Variants in NUTF2 observed in about 807,000 individuals in gnomAD.
NUTF2 encodes the protein placental protein 15.
A neutral mutation model predicts 18.5 loss-of-function variants in NUTF2; 3 were observed. That is an observed-to-expected ratio of 0.16 (90% CI 0.07 to 0.42). The LOEUF (loss-of-function observed/expected upper bound fraction) is 0.42. NUTF2 is among the 10% of genes least tolerant of loss of function. NUTF2 has a pLI of 0.99. For synonymous variants in NUTF2, 51 were observed against 57.9 expected, an observed-to-expected ratio of 0.88 and a Z score of 0.54; for missense variants, 44 against 160.7, an observed-to-expected ratio of 0.27 and a Z score of 3.93.
intron 2 of NUTF2, among the ~76,000 whole-genome samples, chr16:67,865,572 T>G (rs1273641914): frequency 1.3e-5 from 2 of 152,148 alleles, no homozygotes; most frequent in Non-Finnish European, 2.9e-5. Context: ...GCATCCTCAG[T>G]GCAAAGCTGA....
chr16:67,857,819 A>G (rs2057907931), intron 1 of NUTF2, among the ~76,000 whole-genome samples: 1 of 152,266 alleles, frequency 6.6e-6, no homozygotes, highest in Non-Finnish European at 1.5e-5. Context: ...TGCCATAGAC[A>G]GATAGCTGGG....
chr16:67,852,414 T>C (rs1407426943), intron 1 of NUTF2, among the ~76,000 whole-genome samples: 1 of 151,334 alleles, frequency 6.6e-6, no homozygotes, highest in East Asian at 1.9e-4. Flanking sequence ...TCAAGTGCAG[T>C]GTCGCAGTCT....
intron 1 of NUTF2, among the ~76,000 whole-genome samples, chr16:67,852,518 C>T (rs1250299187): frequency 6.6e-6 from 1 of 151,566 alleles, no homozygotes; most frequent in Non-Finnish European, 1.5e-5. Flanking sequence ...CGGTATAATC[C>T]GGCTAATTTT....
At chr16:67,868,641 G>C (rs759814139) in intron 4 of NUTF2, 42 bp downstream of exon 4, 2 of 1,573,338 alleles carry the variant, frequency 1.3e-6, no homozygotes, top group Non-Finnish European at 1.7e-6. Context: ...TGGGCAGGCA[G>C]AGGAGAGTCT....
chr16:67,866,679 C>T (rs906745422), intron 2 of NUTF2, among the ~76,000 whole-genome samples: 6 of 152,148 alleles, frequency 3.9e-5, no homozygotes, highest in African/African-American at 1.4e-4. Context: ...GTTGGCCAGG[C>T]TGTTCTTGAA....
intron 1 of NUTF2, 123 bp from the exon 2 acceptor site, chr16:67,864,979 G>A: frequency 1.7e-6 from 1 of 596,396 alleles, no homozygotes; most frequent in Admixed American, 2.9e-5. Flanking sequence ...GCCTGTCCGT[G>A]TTCTCTGAGA....
chr16:67,864,234 G>T (rs991524378), intron 1 of NUTF2, among the ~76,000 whole-genome samples: 5 of 152,188 alleles, frequency 3.3e-5, no homozygotes, highest in African/African-American at 1.2e-4. Flanking sequence ...CCCTTGGCTG[G>T]GTACAGTGGC....
At chr16:67,855,708 T>C (rs2057891054) in intron 1 of NUTF2, among the ~76,000 whole-genome samples, 2 of 152,170 alleles carry the variant, frequency 1.3e-5, no homozygotes, top group Admixed American at 1.3e-4. Context: ...CTGGTTCCAC[T>C]TGCAGGTGGT....
At chr16:67,856,224 G>A (rs1016985137) in intron 1 of NUTF2, 6 of 236,802 alleles carry the variant, frequency 2.5e-5, no homozygotes, top group Admixed American at 5.1e-5. Context: ...AGACAGTCTC[G>A]CTCTGTCGCC....
intron 1 of NUTF2, among the ~76,000 whole-genome samples, chr16:67,854,678 G>C (rs2057882809): frequency 6.6e-6 from 1 of 152,184 alleles, no homozygotes; most frequent in Non-Finnish European, 1.5e-5. Context: ...CGGGCACAGA[G>C]GCTCACACCT....
In NUTF2 at chr16:67,871,118, C is replaced by G. The variant is rs1054541818; in HGVS notation, c.*205C>G. 8.8e-6 allele frequency: 4 copies of G among 454,994 alleles called. No individual in the cohort carries two copies. Among genetic ancestry groups the G allele is most frequent in the Non-Finnish European group, 1.6e-5 (4 of 253,544 alleles). The allele number at this position is 454,994 out of a possible 1,614,324, so 28.2% of individuals were successfully genotyped here. On this transcript the variant is annotated 3_prime_UTR_variant, in exon 5 of 5. Transcript: ENST00000219169. Reference sequence around the variant, plus strand: ...TCTGACGGGAGAAGTTTGTGTTGTACCAGCGCATGCCTTGGAAAGACTTAA... The same window carrying G: ...TCTGACGGGAGAAGTTTGTGTTGTAGCAGCGCATGCCTTGGAAAGACTTAA...
chr16:67,860,718 C>G (rs186295111), intron 1 of NUTF2, among the ~76,000 whole-genome samples: 5 of 152,348 alleles, frequency 3.3e-5, no homozygotes, highest in Admixed American at 1.3e-4. Flanking sequence ...GGGGCCCTCA[C>G]TGTAGGCCAT....
chr16:67,865,243 T>C lies in NUTF2; in HGVS notation c.99+14T>C. On this transcript the variant is annotated intron_variant, in intron 2 of 4. Transcript: ENST00000219169. ...GGCGCAATTTACGTAAGTTTCCAGC[T>C]CTAGGGCCAGAATGGACCCTAGGGG... 6.3e-7 allele frequency: 1 copy of C among 1,581,200 alleles called. No homozygotes were observed. Among genetic ancestry groups the C allele is most frequent in the Non-Finnish European group, 8.7e-7 (1 of 1,150,392 alleles).
rs1218353460 is a variant in NUTF2 at position 67,871,079 on chromosome 16, C to T, written c.*166C>T. 1.8e-6 allele frequency: 1 copy of T among 565,494 alleles called. No individual in the cohort carries two copies. The highest frequency in any genetic ancestry group is 3.0e-5 in the East Asian group (1 of 32,820). 35.0% of individuals were successfully genotyped at this position (565,494 alleles called of 1,614,324 possible). On this transcript the variant is annotated 3_prime_UTR_variant, in exon 5 of 5. Transcript: ENST00000219169. ...AGGTGTTGTGCATGATGTTTGGATG[C>T]TAGACTAGTTGCATCTGACGGGAGA...
chr16:67,868,631 T>C, intron 4 of NUTF2, 32 bp downstream of exon 4: 1 of 1,594,112 alleles, frequency 6.3e-7, no homozygotes, highest in Middle Eastern at 1.9e-4. Context: ...TAGGGAGGGG[T>C]GGGCAGGCAG....
intron 1 of NUTF2, among the ~76,000 whole-genome samples, chr16:67,855,637 GT>G (rs2057890272): frequency 6.6e-6 from 1 of 152,146 alleles, no homozygotes; most frequent in African/African-American, 2.4e-5. Flanking sequence ...GAGCCAGTGG[GT>G]CTCCCGAGGG....
intron 4 of NUTF2, chr16:67,870,464 C>T (rs1049015675): frequency 4.0e-5 from 11 of 274,584 alleles, no homozygotes; most frequent in East Asian, 1.1e-4. Context: ...CTATGGGATT[C>T]GTTTCAAAAT....
intron 1 of NUTF2, among the ~76,000 whole-genome samples, chr16:67,854,023 T>C (rs1369759579): frequency 3.3e-5 from 5 of 151,612 alleles, no homozygotes; most frequent in African/African-American, 1.2e-4. Flanking sequence ...TGATCTCAGC[T>C]CACTACAGCC....
At chr16:67,869,084 C>A (rs987442788) in intron 4 of NUTF2, among the ~76,000 whole-genome samples, 3 of 135,850 alleles carry the variant, frequency 2.2e-5, no homozygotes, top group Non-Finnish European at 3.2e-5. Flanking sequence ...ACTCCTATTT[C>A]TTTTTTTTTT....
Sources: gnomAD v4.1 joint callset for allele counts (sites outside exome capture counted in the v4.1 genomes callset) on GRCh38, gnomAD v4.1.1 for gene constraint, MANE v1.5 for transcripts, NCBI Gene and HGNC (gene_info 2026-07-23, HGNC 2026-07-21) for gene names.